Variants in MCPH1 observed in about 807,000 individuals in gnomAD.
MCPH1 encodes the protein microcephalin 1.
MCPH1 carries 104 observed loss-of-function variants against 84.5 expected under a neutral mutation model. The ratio of observed to expected loss-of-function variants is 1.23; its 90% CI spans 1.05 to 1.45. MCPH1 has a LOEUF of 1.45. Among genes scored for constraint, MCPH1 ranks in the 40% most tolerant of loss-of-function variants. The pLI, the probability that MCPH1 is intolerant of heterozygous loss-of-function variation, is 0.00. For synonymous variants in MCPH1, 514 were observed against 366.8 expected (o/e 1.40, Z -4.58); for missense variants, 1,498 against 1,005.7 (o/e 1.49, Z -6.62).
rs567077434 is a variant in MCPH1, at chr8:6,413,798, A to G, written c.115-967A>G. On this transcript the variant is annotated intron_variant, in intron 2 of 13. Coordinates refer to ENST00000344683, the MANE Select transcript of MCPH1 (RefSeq NM_024596.5). ...GAGATGGAGTCTTGCTGTGTTACCC[A>G]GGCTGGAGTGCAATGGCACAATCTT... 1.5e-4 allele frequency among the ~76,000 whole-genome samples: 22 copies of G among 148,422 alleles called. No homozygotes were observed. In the South Asian group the frequency reaches 4.7e-3, roughly 32 times the overall value.
chr8:6,531,996 A>G (rs1819606996), intron 12 of MCPH1, among the ~76,000 whole-genome samples: 1 of 152,232 alleles, frequency 6.6e-6, no homozygotes, highest in Non-Finnish European at 1.5e-5. Context: ...TTTAGGACTT[A>G]GAAATGGAAA....
At chr8:6,444,336 G>A in intron 7 of MCPH1, 57 bp from the exon 8 acceptor site, 1 of 1,603,826 alleles carries the variant, frequency 6.2e-7, no homozygotes, top group Non-Finnish European at 8.5e-7. Flanking sequence ...ACTGAAAGTT[G>A]AATATAGAAT....
At chr8:6,422,608 T>C (rs1800379786) in intron 3 of MCPH1, among the ~76,000 whole-genome samples, 1 of 152,192 alleles carries the variant, frequency 6.6e-6, no homozygotes, top group Non-Finnish European at 1.5e-5. Flanking sequence ...TCTCTATTTC[T>C]GCCCACCACT....
chr8:6,477,728 C>A, intron 10 of MCPH1, 97 bp downstream of exon 10: 1 of 898,552 alleles, frequency 1.1e-6, no homozygotes, highest in Non-Finnish European at 1.9e-6. Flanking sequence ...GTCAATCTGT[C>A]CTGTATCACT....
intron 12 of MCPH1, among the ~76,000 whole-genome samples, chr8:6,602,078 A>G (rs1436256642): frequency 6.6e-6 from 1 of 152,254 alleles, no homozygotes; most frequent in Non-Finnish European, 1.5e-5. Flanking sequence ...AAGGCTCTCC[A>G]TAAACTTCCT....
At chr8:6,489,984 C>G (rs559144511) in intron 11 of MCPH1, among the ~76,000 whole-genome samples, 1 of 152,356 alleles carries the variant, frequency 6.6e-6, no homozygotes, top group South Asian at 2.1e-4. Context: ...CAAATCATGG[C>G]CTTCAAGGAT....
chr8:6,575,949 C>T (rs958504754), intron 12 of MCPH1, among the ~76,000 whole-genome samples: 2 of 151,710 alleles, frequency 1.3e-5, no homozygotes, highest in African/African-American at 4.8e-5. Flanking sequence ...CACACCTTCA[C>T]CTCAGATTTC....
At chr8:6,612,276 T>A (rs942909751) in intron 12 of MCPH1, among the ~76,000 whole-genome samples, 1 of 151,568 alleles carries the variant, frequency 6.6e-6, no homozygotes, top group Non-Finnish European at 1.5e-5. Context: ...AGCTGCCCCA[T>A]CACATTCTGC....
At chr8:6,468,373 C>T (rs376862377) in intron 9 of MCPH1, among the ~76,000 whole-genome samples, 65 of 152,306 alleles carry the variant, frequency 4.3e-4, no homozygotes, top group African/African-American at 1.4e-3. Context: ...CCTTCTCCCA[C>T]ACACCCAGAC....
At chr8:6,489,602 T>A (rs2129560873) in intron 11 of MCPH1, among the ~76,000 whole-genome samples, 1 of 152,314 alleles carries the variant, frequency 6.6e-6, no homozygotes, top group East Asian at 1.9e-4. Flanking sequence ...ATGGTGCGAT[T>A]TGCTGAGTTA....
At chr8:6,552,858 C>T (rs2515497) in intron 12 of MCPH1, among the ~76,000 whole-genome samples, 117,632 of 151,724 alleles carry the variant, frequency 0.78, 45,848 homozygotes, top group Non-Finnish European at 0.82. Flanking sequence ...GAAGCCAGTC[C>T]GAAAAGGCTG....
Position 6,442,073 on chromosome 8 carries a change from A to G in MCPH1, c.587A>G (p.Gln196Arg). 6.2e-7 allele frequency: 1 copy of G among 1,611,868 alleles called. No individual in the cohort carries two copies. The highest frequency in any genetic ancestry group is 8.5e-7 in the Non-Finnish European group (1 of 1,177,968). Residue 196 changes from glutamine (Q) to arginine (R), a missense_variant, in exon 7 of 14, where the codon CAA becomes CGA. Transcript: ENST00000344683. The stretch of plus-strand genomic sequence containing the variant: ...GTCTTGGTCCTGTTTTTAGCTTCCC[A>G]AATGATTCAGCAGTCTCATGATAAT... ...KRENLSPTSS[Q>R]MIQQSHDNPS... is the part of the protein sequence containing the mutation.
At chr8:6,438,906 A>G (rs1423541570) in intron 5 of MCPH1, 47 bp from the exon 6 acceptor site, 7 of 1,588,484 alleles carry the variant, frequency 4.4e-6, no homozygotes, top group Middle Eastern at 2.1e-4. Context: ...TTCCTGAAGT[A>G]TGAAGGCACT....
intron 12 of MCPH1, chr8:6,562,578 T>TTTTTTTTTTTTA: frequency 6.8e-6 from 6 of 880,186 alleles, no homozygotes; most frequent in African/African-American, 1.8e-5. Context: ...TTTTGGTTGT[T>TTTTTTTTTTTTA]AAAACCTGAG....
In MCPH1 at chr8:6,647,927, A is replaced by T. The variant is rs2959786; in HGVS notation, c.*4878A>T. 55,407 of 137,420 alleles carry T rather than the reference A, an allele frequency of 0.4. 12,124 individuals carry two copies. The highest frequency in any genetic ancestry group is 0.64 in the East Asian group (3,294 of 5,168). 8.5% of individuals were successfully genotyped at this position (137,420 alleles called of 1,614,324 possible). ...ATACACCAATAAAGCTATTTTTTTT[A>T]AAAAAAAGAGAGAGAGAGAACGAGA... On this transcript the variant is annotated 3_prime_UTR_variant, in exon 14 of 14. Coordinates refer to ENST00000344683, the MANE Select transcript of MCPH1 (RefSeq NM_024596.5).
intron 9 of MCPH1, among the ~76,000 whole-genome samples, chr8:6,455,799 C>G (rs558858320): frequency 3.5e-4 from 54 of 152,280 alleles, no homozygotes; most frequent in African/African-American, 1.3e-3. Flanking sequence ...TATCTACTTG[C>G]ATTGCTTAAA....
intron 12 of MCPH1, among the ~76,000 whole-genome samples, chr8:6,549,016 G>A (rs1289268080): frequency 3.3e-5 from 5 of 152,176 alleles, no homozygotes; most frequent in African/African-American, 4.8e-5. Context: ...TGGGCATCAC[G>A]GAATAAACAC....
intron 8 of MCPH1, among the ~76,000 whole-genome samples, chr8:6,453,957 A>G (rs184183612): frequency 6.6e-6 from 1 of 152,310 alleles, no homozygotes; most frequent in East Asian, 1.9e-4. Flanking sequence ...CAGGCTGCAA[A>G]TAACAACTAG....
chr8:6,566,827 AGT>A (rs1366845057), intron 12 of MCPH1, among the ~76,000 whole-genome samples: 1 of 132,132 alleles, frequency 7.6e-6, no homozygotes, highest in Non-Finnish European at 1.6e-5. Context: ...GGCCATGGAT[AGT>A]GAGTGCACAC....
Sources: gnomAD v4.1 joint callset for allele counts (sites outside exome capture counted in the v4.1 genomes callset) on GRCh38, gnomAD v4.1.1 for gene constraint, MANE v1.5 for transcripts, NCBI Gene and HGNC (gene_info 2026-07-23, HGNC 2026-07-21) for gene names.